The following SLC6A15 variants were observed in gnomAD, a reference collection of about 807,000 sequenced individuals.
SLC6A15 encodes the protein solute carrier family 6 member 15.
Under a neutral mutation model 68.5 loss-of-function variants are expected in SLC6A15, and 33 were observed. The observed-to-expected ratio is 0.48, with a 90% CI of 0.37 to 0.64. The LOEUF (loss-of-function observed/expected upper bound fraction) is 0.64. Among genes scored for constraint, SLC6A15 ranks in the 30% least tolerant of loss-of-function variants. The pLI is 0.00. For synonymous variants in SLC6A15, 347 were observed against 301.0 expected, an observed-to-expected ratio of 1.15 and a Z score of -1.58; for missense variants, 747 against 874.3, an observed-to-expected ratio of 0.85 and a Z score of 1.84.
chr12:84,876,736 CT>C, intron 5 of SLC6A15, 129 bp from the exon 6 acceptor site: 1 of 502,920 alleles, frequency 2.0e-6, no homozygotes, highest in Non-Finnish European at 3.5e-6. Flanking sequence ...CTATTAATAA[CT>C]TCTAAAGCCA....
intron 5 of SLC6A15, chr12:84,882,578 A>G (rs1314710853): frequency 1.3e-5 from 7 of 558,984 alleles, no homozygotes; most frequent in Non-Finnish European, 1.6e-5. Context: ...GAGTTGACTA[A>G]TTGGTGGGAC....
chr12:84,874,118 CT>C (rs369010874), intron 6 of SLC6A15, among the ~76,000 whole-genome samples: 10 of 152,124 alleles, frequency 6.6e-5, no homozygotes, highest in African/African-American at 2.2e-4. Flanking sequence ...CATTTTATCT[CT>C]TTTTGCCATT....
Position 84,892,278 on chromosome 12 carries a change from T to A in SLC6A15, c.-158A>T. On this transcript the variant is annotated 5_prime_UTR_variant, in exon 2 of 12. Transcript: ENST00000266682. ...CAAGGTGATAAAGCCTTATGGATTC[T>A]GAATCCGTATGTCCAGTATTCTGTA... The A allele has an allele frequency of 3.2e-6, 2 of 628,584 alleles. No individual in the cohort carries two copies. Among genetic ancestry groups the A allele is most frequent in the Non-Finnish European group, 5.3e-6 (2 of 377,376 alleles). 38.9% of individuals were successfully genotyped at this position (628,584 alleles called of 1,614,324 possible).
rs765064862 is a variant in SLC6A15 at position 84,885,522 on chromosome 12, C to T, written c.487G>A (p.Gly163Ser). The change falls in exon 4 of 12, where the codon GGC (glycine) becomes AGC (serine). Residue 163 changes from glycine (G) to serine (S), a missense_variant. By Grantham distance (56) the Gly-to-Ser change is moderately conservative. Coordinates refer to ENST00000266682, the MANE Select transcript of SLC6A15 (RefSeq NM_182767.6). The stretch of plus-strand genomic sequence containing the variant: ...TGAGAAAAATAAAACAAACTCCAGC[C>T]AATGATGACGTTGTAGTAGAGAGCT... ...FVALYYNVII[G>S]WSLFYFSQSF... 1.5e-5 allele frequency: 24 copies of T among 1,613,378 alleles called. 1 individual carries two copies. The South Asian group carries it at 2.5e-4, about 17-fold the overall frequency.
chr12:84,902,063 T>C (rs1412870929), intron 1 of SLC6A15, among the ~76,000 whole-genome samples: 1 of 151,846 alleles, frequency 6.6e-6, no homozygotes, highest in African/African-American at 2.4e-5. Context: ...AGAGATTTCA[T>C]GAAATACTGA....
At chr12:84,907,212 G>T (rs576162771) in intron 1 of SLC6A15, among the ~76,000 whole-genome samples, 42 of 152,064 alleles carry the variant, frequency 2.8e-4, no homozygotes, top group Non-Finnish European at 4.7e-4. Context: ...GCCGGGCGTG[G>T]TGGCGGGTAC....
intron 5 of SLC6A15, among the ~76,000 whole-genome samples, chr12:84,879,489 A>G (rs985160570): frequency 1.3e-5 from 2 of 151,368 alleles, no homozygotes; most frequent in African/African-American, 4.8e-5. Context: ...CCATGCCCGG[A>G]CAATTTTTTG....
intron 9 of SLC6A15, among the ~76,000 whole-genome samples, chr12:84,868,918 G>T (rs1272998884): frequency 6.6e-6 from 1 of 152,146 alleles, no homozygotes; most frequent in Non-Finnish European, 1.5e-5. Context: ...TGCATGTCAG[G>T]CAGGATATGG....
chr12:84,871,740 T>C (rs1359681043), intron 8 of SLC6A15, among the ~76,000 whole-genome samples: 2 of 152,198 alleles, frequency 1.3e-5, no homozygotes, highest in African/African-American at 4.8e-5. Flanking sequence ...AAGCAAATAA[T>C]TAGTGACTAA....
At position 84,883,839 on chromosome 12, in the gene SLC6A15, A is replaced by G; in HGVS notation, c.756+20T>C. On this transcript the variant is annotated intron_variant, in intron 5 of 11. Transcript: ENST00000266682. Reference sequence around the variant, plus strand: ...AGAAATGGTGATTAGCAGAATGAGGAAGGGCTCTAACATACTAACTTTTCC... The same window carrying G: ...AGAAATGGTGATTAGCAGAATGAGGGAGGGCTCTAACATACTAACTTTTCC... 2 of 1,614,094 alleles carry G rather than the reference A, an allele frequency of 1.2e-6. No individual in the cohort carries two copies. The highest frequency in any genetic ancestry group is 1.7e-6 in the Non-Finnish European group (2 of 1,180,008).
At chr12:84,868,476 T>C (rs1871153967) in intron 9 of SLC6A15, among the ~76,000 whole-genome samples, 1 of 152,172 alleles carries the variant, frequency 6.6e-6, no homozygotes, top group Non-Finnish European at 1.5e-5. Context: ...CAACAGCCTG[T>C]GTCACTTTCA....
chr12:84,908,263 G>T (rs1321591040), intron 1 of SLC6A15, among the ~76,000 whole-genome samples: 2 of 151,980 alleles, frequency 1.3e-5, no homozygotes, highest in African/African-American at 4.8e-5. Context: ...TCAAAATTAA[G>T]ACTTTTTTTA....
At chr12:84,907,868 A>G (rs78326851) in intron 1 of SLC6A15, among the ~76,000 whole-genome samples, 136 of 152,348 alleles carry the variant, frequency 8.9e-4, no homozygotes, top group African/African-American at 3.1e-3. Context: ...AGCAAAAACT[A>G]CCAATATACA....
chr12:84,866,946 A>G, intron 10 of SLC6A15, 88 bp downstream of exon 10: 2 of 1,180,210 alleles, frequency 1.7e-6, no homozygotes, highest in Non-Finnish European at 2.3e-6. Context: ...CTATTCATTT[A>G]TTTCCTCTTC....
At chr12:84,896,476 A>T (rs1471446889) in intron 1 of SLC6A15, among the ~76,000 whole-genome samples, 4 of 152,248 alleles carry the variant, frequency 2.6e-5, no homozygotes, top group Non-Finnish European at 4.4e-5. Flanking sequence ...TGGACCGTAA[A>T]GCCTAAAATG....
In SLC6A15 at chr12:84,892,284, C is replaced by T. The variant is rs746573392; in HGVS notation, c.-164G>A. 3.2e-6 allele frequency: 2 copies of T among 615,516 alleles called. No homozygotes were observed. The highest frequency in any genetic ancestry group is 5.4e-6 in the Non-Finnish European group (2 of 369,540). The allele number at this position is 615,516 out of a possible 1,614,324, so 38.1% of individuals were successfully genotyped here. A position where few individuals can be genotyped will look rare whatever the true frequency, so the allele number is the denominator to read the frequency against. ...GATAAAGCCTTATGGATTCTGAATCCGTATGTCCAGTATTCTGTAGGTACC... is the reference window on the plus strand; with the variant it reads ...GATAAAGCCTTATGGATTCTGAATCTGTATGTCCAGTATTCTGTAGGTACC... On this transcript the variant is annotated 5_prime_UTR_variant, in exon 2 of 12. Coordinates refer to ENST00000266682, the MANE Select transcript of SLC6A15 (RefSeq NM_182767.6).
At chr12:84,872,574 T>C in intron 8 of SLC6A15, 28 bp downstream of exon 8, 1 of 1,575,640 alleles carries the variant, frequency 6.3e-7, no homozygotes, top group Non-Finnish European at 8.7e-7. Context: ...ATGATAATTA[T>C]TTTATTGCTC....
At chr12:84,897,467 G>C (rs768864343) in intron 1 of SLC6A15, among the ~76,000 whole-genome samples, 7 of 151,918 alleles carry the variant, frequency 4.6e-5, no homozygotes, top group Non-Finnish European at 8.8e-5. Flanking sequence ...GAAAAGCAGA[G>C]GTTTTGCTTG....
chr12:84,911,160 C>T (rs536586497), intron 1 of SLC6A15, among the ~76,000 whole-genome samples: 82 of 152,208 alleles, frequency 5.4e-4, no homozygotes, highest in African/African-American at 1.9e-3. Context: ...AATAATTCCT[C>T]AAAACAAACA....
Sources: allele counts gnomAD v4.1 joint callset (sites outside exome capture counted in the v4.1 genomes callset), GRCh38; gene constraint gnomAD v4.1.1; transcripts MANE v1.5; gene names NCBI Gene and HGNC (gene_info 2026-07-23, HGNC 2026-07-21).